The following NELL1 variants were observed in gnomAD, a reference collection of about 807,000 sequenced individuals.
NELL1 encodes protein kinase C-binding protein NELL1.
Under a neutral mutation model 107.4 loss-of-function variants are expected in NELL1, and 76 were observed. The ratio of observed to expected loss-of-function variants is 0.71; its 90% CI spans 0.59 to 0.86. NELL1 has a LOEUF of 0.86. Ranked by LOEUF, NELL1 falls within the 40% of genes least tolerant of loss-of-function variation. The pLI is 0.00. For synonymous variants in NELL1, 353 were observed against 341.2 expected, an observed-to-expected ratio of 1.03 and a Z score of -0.38; for missense variants, 1,024 against 1,005.5, an observed-to-expected ratio of 1.02 and a Z score of -0.25.
rs1300173126 is a variant in NELL1 at position 20,886,273 on chromosome 11, A to G, written c.603+733A>G. On this transcript the variant is annotated intron_variant, in intron 5 of 19. Transcript: ENST00000357134. Reference sequence around the variant, plus strand: ...CCAAAATTTTTTTTAAAAAAACTGCATTATTATACTTCACAGAAACATAAG... The same window carrying G: ...CCAAAATTTTTTTTAAAAAAACTGCGTTATTATACTTCACAGAAACATAAG... Among the ~76,000 whole-genome samples, 3 of 152,156 alleles carry G rather than the reference A, an allele frequency of 2.0e-5. No homozygotes were observed. In the East Asian group the frequency reaches 5.8e-4, roughly 29 times the overall value.
intron 2 of NELL1, among the ~76,000 whole-genome samples, chr11:20,697,356 A>G (rs1056717469): frequency 5.3e-5 from 8 of 150,938 alleles, no homozygotes; most frequent in African/African-American, 2.0e-4. Flanking sequence ...TATAAAAGTG[A>G]ATTAGAATAT....
At chr11:20,861,861 T>C (rs907778463) in intron 4 of NELL1, among the ~76,000 whole-genome samples, 2 of 152,190 alleles carry the variant, frequency 1.3e-5, no homozygotes, top group African/African-American at 4.8e-5. Context: ...ACTTAGCTTT[T>C]CTAAGTCTCA....
At chr11:21,340,582 A>AGTAAG (rs1565176987) in intron 14 of NELL1, among the ~76,000 whole-genome samples, 1 of 148,816 alleles carries the variant, frequency 6.7e-6, no homozygotes, top group African/African-American at 2.5e-5. Context: ...GGCATAGTGG[A>AGTAAG]GTAGGGTAGG....
rs574101888 is a variant in NELL1, at chr11:21,067,754, C to T, written c.1301-45835C>T. 8.6e-5 allele frequency among the ~76,000 whole-genome samples: 13 copies of T among 152,028 alleles called. No homozygotes were observed. In the East Asian group the frequency reaches 9.7e-4, roughly 11 times the overall value. On this transcript the variant is annotated intron_variant, in intron 12 of 19. Coordinates refer to ENST00000357134, the MANE Select transcript of NELL1 (RefSeq NM_006157.5). The stretch of plus-strand genomic sequence containing the variant: ...CTTTGTTTAGAACTCTATTCTAGGC[C>T]GGGCATGGTGGCTCACGCCTGTAAT...
chr11:20,765,255 C>T (rs755072105), intron 2 of NELL1, among the ~76,000 whole-genome samples: 20 of 152,194 alleles, frequency 1.3e-4, no homozygotes, highest in African/African-American at 2.9e-4. Context: ...TTAGGGACAA[C>T]GTACAGATAG....
chr11:21,487,733 G>T (rs1297940408), intron 15 of NELL1, among the ~76,000 whole-genome samples: 1 of 152,050 alleles, frequency 6.6e-6, no homozygotes, highest in African/African-American at 2.4e-5. Flanking sequence ...ATATAGATTG[G>T]CTGAATGGAT....
intron 12 of NELL1, among the ~76,000 whole-genome samples, chr11:20,968,907 CTCTA>C (rs1564991725): frequency 6.6e-6 from 1 of 152,054 alleles, no homozygotes; most frequent in Non-Finnish European, 1.5e-5. Context: ...CAGATGGTGG[CTCTA>C]TCTAACTGCA....
chr11:20,999,975 T>TTG (rs111467472), intron 12 of NELL1, among the ~76,000 whole-genome samples: 10,317 of 151,190 alleles, frequency 0.068, 419 homozygotes, highest in Middle Eastern at 0.13. Context: ...CATATGAAGG[T>TTG]TGTGTGTGTG....
intron 15 of NELL1, among the ~76,000 whole-genome samples, chr11:21,395,748 TC>T (rs1344237730): frequency 6.6e-6 from 1 of 151,236 alleles, no homozygotes; most frequent in East Asian, 2.0e-4. Flanking sequence ...AAAGCATAAT[TC>T]TACTTTTTGA....
chr11:21,568,675 C>T (rs74762468), intron 17 of NELL1, among the ~76,000 whole-genome samples: 1,704 of 151,706 alleles, frequency 0.011, 28 homozygotes, highest in African/African-American at 0.038. Context: ...CACAAAAACA[C>T]ACCTTAACCT....
intron 16 of NELL1, among the ~76,000 whole-genome samples, chr11:21,547,399 G>C (rs566915878): frequency 6.6e-6 from 1 of 151,786 alleles, no homozygotes; most frequent in African/African-American, 2.4e-5. Context: ...GTTTGACTTA[G>C]GTGAGGAATA....
At chr11:21,113,543 T>C (rs776769301) in intron 12 of NELL1, 46 bp from the exon 13 acceptor site, 25 of 1,574,038 alleles carry the variant, frequency 1.6e-5, no homozygotes, top group Non-Finnish European at 2.2e-5. Context: ...ACACTGTTGT[T>C]CCATTATTTT....
intron 13 of NELL1, among the ~76,000 whole-genome samples, chr11:21,121,566 G>C (rs1183375204): frequency 6.6e-6 from 1 of 152,106 alleles, no homozygotes; most frequent in Non-Finnish European, 1.5e-5. Flanking sequence ...TGGTTATTGG[G>C]GGTCCTCTAG....
intron 4 of NELL1, among the ~76,000 whole-genome samples, chr11:20,884,048 T>C (rs1849458944): frequency 6.6e-6 from 1 of 152,204 alleles, no homozygotes; most frequent in Non-Finnish European, 1.5e-5. Flanking sequence ...TGTCCACTTA[T>C]AATGGAAGGA....
At chr11:21,128,280 T>C (rs1855534130) in intron 13 of NELL1, among the ~76,000 whole-genome samples, 1 of 152,194 alleles carries the variant, frequency 6.6e-6, no homozygotes, top group African/African-American at 2.4e-5. Context: ...GAGATGTGGC[T>C]TTCATATTTG....
chr11:20,862,349 A>G (rs1420578810), intron 4 of NELL1, among the ~76,000 whole-genome samples: 1 of 152,102 alleles, frequency 6.6e-6, no homozygotes, highest in African/African-American at 2.4e-5. Flanking sequence ...GGAAGTACGG[A>G]GAGTTTCCAT....
intron 13 of NELL1, among the ~76,000 whole-genome samples, chr11:21,191,741 T>G (rs981663874): frequency 6.6e-6 from 1 of 151,950 alleles, no homozygotes; most frequent in Admixed American, 6.6e-5. Context: ...ACGAGACATT[T>G]AGGTATTTGA....
chr11:21,430,270 G>A (rs186189885), intron 15 of NELL1, among the ~76,000 whole-genome samples: 29 of 152,024 alleles, frequency 1.9e-4, no homozygotes, highest in South Asian at 1.0e-3. Context: ...CACCCCTTTG[G>A]TTATTTTATA....
chr11:21,467,394 T>A (rs1854058432), intron 15 of NELL1, among the ~76,000 whole-genome samples: 1 of 152,080 alleles, frequency 6.6e-6, no homozygotes, highest in African/African-American at 2.4e-5. Context: ...CAATTATATA[T>A]TTATTGTCCT....
Sources: gnomAD v4.1 joint callset for allele counts (sites outside exome capture counted in the v4.1 genomes callset) on GRCh38, gnomAD v4.1.1 for gene constraint, MANE v1.5 for transcripts, NCBI Gene and HGNC (gene_info 2026-07-23, HGNC 2026-07-21) for gene names.